CD2AP: variants seen among roughly 807,000 people sequenced by gnomAD.
The protein encoded by CD2AP is CD2 associated protein.
Under a neutral mutation model 85.1 loss-of-function variants are expected in CD2AP, and 46 were observed. The observed-to-expected ratio is 0.54, with a 90% CI of 0.43 to 0.69. The LOEUF is 0.69. CD2AP is among the 30% of genes least tolerant of loss of function. CD2AP has a pLI of 0.00. For synonymous variants in CD2AP, 255 were observed against 252.9 expected (o/e 1.01, Z -0.08); for missense variants, 769 against 729.5 (o/e 1.05, Z -0.62).
intron 2 of CD2AP, among the ~76,000 whole-genome samples, chr6:47,525,711 C>A (rs1048844948): frequency 1.3e-5 from 2 of 152,110 alleles, no homozygotes; most frequent in Admixed American, 1.3e-4. Flanking sequence ...TACCCTTTAA[C>A]TTCCCCCACC....
intron 1 of CD2AP, 90 bp downstream of exon 1, chr6:47,478,338 G>A: frequency 6.8e-7 from 1 of 1,467,836 alleles, no homozygotes; most frequent in South Asian, 1.2e-5. Flanking sequence ...GGAGGCGACT[G>A]CGGTCAGCCC....
At chr6:47,608,386 A>G (rs1006334405) in intron 15 of CD2AP, among the ~76,000 whole-genome samples, 1 of 152,126 alleles carries the variant, frequency 6.6e-6, no homozygotes, top group East Asian at 1.9e-4. Flanking sequence ...TTCAGTATAT[A>G]CTGGAATTAA....
chr6:47,495,533 T>A (rs935030976), intron 1 of CD2AP, among the ~76,000 whole-genome samples: 2 of 152,190 alleles, frequency 1.3e-5, no homozygotes, highest in Non-Finnish European at 2.9e-5. Flanking sequence ...TGTAGGAGAC[T>A]ACTAGTGTTC....
At chr6:47,517,315 C>G (rs936354290) in intron 2 of CD2AP, among the ~76,000 whole-genome samples, 1 of 150,424 alleles carries the variant, frequency 6.6e-6, no homozygotes, top group Admixed American at 6.6e-5. Flanking sequence ...CGGTTTCTTA[C>G]TCTGTCACCC....
rs866197795 is a variant in CD2AP at position 47,489,978 on chromosome 6, T to G, written c.4+11730T>G. Among the ~76,000 whole-genome samples, 577 of 75,170 alleles carry G rather than the reference T, an allele frequency of 7.7e-3. 2 individuals are homozygous for G. The highest frequency in any genetic ancestry group is 0.018 in the African/African-American group (556 of 31,150). The allele number at this position is 75,170 out of a possible 152,430, so 49.3% of individuals were successfully genotyped here. A position where few individuals can be genotyped will look rare whatever the true frequency, so the allele number is the denominator to read the frequency against. ...TTTCTCTAAAGAGACTTTTTTTTTT[T>G]TTTTTTTTTTTTAAAGGAACAGGGT... On this transcript the variant is annotated intron_variant, in intron 1 of 17. Coordinates refer to ENST00000359314, the MANE Select transcript of CD2AP (RefSeq NM_012120.3).
chr6:47,610,174 A>T (rs1413085285), intron 16 of CD2AP, among the ~76,000 whole-genome samples: 1 of 152,210 alleles, frequency 6.6e-6, no homozygotes, highest in Non-Finnish European at 1.5e-5. Context: ...AAATGAAGAA[A>T]TTGACAGAGC....
In CD2AP at chr6:47,624,717, GTGTGTATATATA is replaced by G. The variant is rs1237558642; in HGVS notation, c.*492_*503del. On this transcript the variant is annotated 3_prime_UTR_variant, in exon 18 of 18. Coordinates refer to ENST00000359314, the MANE Select transcript of CD2AP (RefSeq NM_012120.3). Reference sequence around the variant, plus strand: ...TGTGTGTGTGTGTGTGTGTGTGTGTGTGTGTATATATATATATATATTTTTACTTTTATCCTC... The same window carrying G: ...TGTGTGTGTGTGTGTGTGTGTGTGTGTATATATATTTTTACTTTTATCCTC... 278 of 132,574 alleles carry G rather than the reference GTGTGTATATATA, an allele frequency of 2.1e-3. 1 individual carries two copies. The highest frequency in any genetic ancestry group is 3.8e-3 in the Middle Eastern group (1 of 260). 8.2% of individuals were successfully genotyped at this position (132,574 alleles called of 1,614,324 possible). A position where few individuals can be genotyped will look rare whatever the true frequency, so the allele number is the denominator to read the frequency against.
At chr6:47,590,683 T>C (rs1267076482) in intron 11 of CD2AP, among the ~76,000 whole-genome samples, 1 of 152,132 alleles carries the variant, frequency 6.6e-6, no homozygotes, top group African/African-American at 2.4e-5. Flanking sequence ...ACCAATCCTC[T>C]GTATATACAG....
intron 5 of CD2AP, chr6:47,562,486 TAGTAATAA>T: frequency 4.9e-6 from 1 of 203,544 alleles, no homozygotes. Context: ...CAGTTAATTA[TAGTAATAA>T]TTTTTAAGTT....
intron 2 of CD2AP, among the ~76,000 whole-genome samples, chr6:47,532,261 C>T (rs951351427): frequency 6.6e-6 from 1 of 150,738 alleles, no homozygotes; most frequent in African/African-American, 2.4e-5. Context: ...AAGGATTGCT[C>T]GAGCCCAGAA....
At chr6:47,609,523 AAAAAAAAAG>A in intron 16 of CD2AP, 3 of 382,326 alleles carry the variant, frequency 7.8e-6, no homozygotes, top group Non-Finnish European at 1.4e-5. Flanking sequence ...CAAAAAAAAA[AAAAAAAAAG>A]AAAAGAAAAG....
At chr6:47,505,627 C>T (rs1164598004) in intron 2 of CD2AP, among the ~76,000 whole-genome samples, 5 of 98,872 alleles carry the variant, frequency 5.1e-5, no homozygotes, top group Admixed American at 1.3e-4. Context: ...GGGGGGCTGA[C>T]CCCCCCCACC....
rs377611057 is a variant in CD2AP at position 47,566,321 on chromosome 6, T to C, written c.542-7743T>C. On this transcript the variant is annotated intron_variant, in intron 5 of 17. Transcript: ENST00000359314. Reference sequence around the variant, plus strand: ...ATTAGAATATATATATATATATATATATACACATACACATATATATATATG... The same window carrying C: ...ATTAGAATATATATATATATATATACATACACATACACATATATATATATG... Among the ~76,000 whole-genome samples, 81 of 86,814 alleles carry C rather than the reference T, an allele frequency of 9.3e-4. 5 individuals are homozygous for C. The highest frequency in any genetic ancestry group is 0.016 in the Middle Eastern group (2 of 126). 57.0% of individuals were successfully genotyped at this position (86,814 alleles called of 152,430 possible).
intron 2 of CD2AP, among the ~76,000 whole-genome samples, chr6:47,508,754 A>G (rs1766244996): frequency 1.3e-5 from 2 of 152,060 alleles, no homozygotes; most frequent in South Asian, 4.1e-4. Context: ...CATGTTGACC[A>G]AGCTGGTCTT....
At chr6:47,503,474 T>G (rs970450708) in intron 2 of CD2AP, 34 bp downstream of exon 2, 3 of 1,540,666 alleles carry the variant, frequency 1.9e-6, no homozygotes, top group Admixed American at 1.7e-5. Flanking sequence ...TAGCTCTTGC[T>G]TCATAGGATT....
intron 13 of CD2AP, among the ~76,000 whole-genome samples, chr6:47,599,996 AT>A (rs1769086633): frequency 6.6e-6 from 1 of 150,478 alleles, no homozygotes; most frequent in African/African-American, 2.4e-5. Context: ...AATACCTATT[AT>A]TATTTGTAAA....
At chr6:47,563,144 T>C (rs1767905730) in intron 5 of CD2AP, 1 of 188,868 alleles carries the variant, frequency 5.3e-6, no homozygotes, top group Non-Finnish European at 1.1e-5. Context: ...AGTGAACATT[T>C]CTTAACCCTT....
chr6:47,532,450 A>C (rs1420671601), intron 2 of CD2AP, among the ~76,000 whole-genome samples: 1 of 151,520 alleles, frequency 6.6e-6, no homozygotes, highest in East Asian at 1.9e-4. Context: ...TAAAATTGTT[A>C]ATTTTAATAT....
chr6:47,519,004 C>T (rs1273358027), intron 2 of CD2AP, among the ~76,000 whole-genome samples: 9 of 152,176 alleles, frequency 5.9e-5, no homozygotes, highest in Admixed American at 4.6e-4. Flanking sequence ...CTATTTGCCA[C>T]TCATTTATTT....
Sources: gnomAD v4.1 joint callset for allele counts (sites outside exome capture counted in the v4.1 genomes callset) on GRCh38, gnomAD v4.1.1 for gene constraint, MANE v1.5 for transcripts, NCBI Gene and HGNC (gene_info 2026-07-23, HGNC 2026-07-21) for gene names.